The following ARHGAP24 variants were observed in gnomAD, a reference collection of about 807,000 sequenced individuals.
ARHGAP24 encodes the protein rho GTPase-activating protein 24.
ARHGAP24 carries 50 observed loss-of-function variants against 76.4 expected under a neutral mutation model. That is an observed-to-expected ratio of 0.65 (90% confidence interval 0.52 to 0.83). The LOEUF is 0.83. Ranked by LOEUF, ARHGAP24 falls within the 40% of genes least tolerant of loss-of-function variation. The pLI is 0.00. For missense variants in ARHGAP24, 930 were observed against 914.2 expected (o/e 1.02, Z -0.22); for synonymous variants, 345 against 323.3 (o/e 1.07, Z -0.72).
At position 85,829,459 on chromosome 4, in the gene ARHGAP24, A is replaced by G. The variant is rs903796773; in HGVS notation, c.269-94189A>G. Among the ~76,000 whole-genome samples, 10 of 152,176 alleles carry G rather than the reference A, an allele frequency of 6.6e-5. 1 individual carries two copies. Among genetic ancestry groups the G allele is most frequent in the Admixed American group, 6.5e-4 (10 of 15,276 alleles). ...GCCAAGTTCCTGGGACACTCTCTTC[A>G]TGGTTCCTTGCTTTCAGACTCTATG... On this transcript the variant is annotated intron_variant, in intron 3 of 9. Coordinates refer to ENST00000395184, the MANE Select transcript of ARHGAP24 (RefSeq NM_001025616.3).
At chr4:85,870,670 T>C (rs1732476266) in intron 3 of ARHGAP24, among the ~76,000 whole-genome samples, 1 of 152,174 alleles carries the variant, frequency 6.6e-6, no homozygotes, top group Admixed American at 6.6e-5. Context: ...TAGTTATCTA[T>C]AGGTCTTACC....
intron 1 of ARHGAP24, among the ~76,000 whole-genome samples, chr4:85,479,930 C>T (rs1465616620): frequency 1.3e-5 from 2 of 152,154 alleles, no homozygotes; most frequent in Admixed American, 1.3e-4. Context: ...ATTGAAAGCT[C>T]AAGTTCCTCC....
intron 3 of ARHGAP24, among the ~76,000 whole-genome samples, chr4:85,725,924 G>T (rs1240135641): frequency 6.6e-6 from 1 of 152,148 alleles, no homozygotes; most frequent in African/African-American, 2.4e-5. Flanking sequence ...AGCTTCAGAG[G>T]CCATCATGAG....
chr4:85,624,165 C>T (rs941295700), intron 2 of ARHGAP24, among the ~76,000 whole-genome samples: 18 of 152,056 alleles, frequency 1.2e-4, no homozygotes, highest in African/African-American at 4.1e-4. Flanking sequence ...GTCTTGTGCC[C>T]GTTTTCAAAG....
intron 3 of ARHGAP24, among the ~76,000 whole-genome samples, chr4:85,742,217 G>A (rs1281496335): frequency 6.6e-6 from 1 of 152,176 alleles, no homozygotes; most frequent in Admixed American, 6.5e-5. Flanking sequence ...GCTGGCAGCT[G>A]GCCAAAAGTC....
intron 1 of ARHGAP24, among the ~76,000 whole-genome samples, chr4:85,515,371 C>CT (rs34451820): frequency 0.8 from 113,889 of 142,576 alleles, 45,665 homozygotes; most frequent in East Asian, 0.97. Flanking sequence ...TGCAGGTAAT[C>CT]TTTTTTTTTT....
At chr4:85,918,687 G>T (rs906328627) in intron 3 of ARHGAP24, among the ~76,000 whole-genome samples, 2 of 151,844 alleles carry the variant, frequency 1.3e-5, no homozygotes, top group African/African-American at 4.8e-5. Flanking sequence ...ATCTATTTAA[G>T]AGAATCTATT....
intron 3 of ARHGAP24, among the ~76,000 whole-genome samples, chr4:85,730,553 G>A (rs2110051422): frequency 6.6e-6 from 1 of 152,084 alleles, no homozygotes; most frequent in South Asian, 2.1e-4. Flanking sequence ...GGAACCACAA[G>A]TTCACACCAC....
At chr4:85,676,247 C>T (rs1431502957) in intron 2 of ARHGAP24, among the ~76,000 whole-genome samples, 1 of 152,084 alleles carries the variant, frequency 6.6e-6, no homozygotes, top group African/African-American at 2.4e-5. Flanking sequence ...ACTGGGCTGC[C>T]AAACCTGCCA....
intron 3 of ARHGAP24, among the ~76,000 whole-genome samples, chr4:85,876,932 T>C (rs1225179151): frequency 3.0e-5 from 1 of 33,102 alleles, no homozygotes; most frequent in Admixed American, 4.9e-4. Context: ...CACTGGACTT[T>C]CCATTTTATT....
chr4:85,582,738 A>G (rs1047809759), intron 2 of ARHGAP24, among the ~76,000 whole-genome samples: 3 of 152,070 alleles, frequency 2.0e-5, no homozygotes, highest in Admixed American at 6.6e-5. Flanking sequence ...TTACCGGGGG[A>G]AAAAAACCTG....
chr4:85,494,821 G>A (rs925764858), intron 1 of ARHGAP24, among the ~76,000 whole-genome samples: 10 of 151,694 alleles, frequency 6.6e-5, no homozygotes, highest in Admixed American at 3.9e-4. Context: ...TGACCTGGCC[G>A]GGCGCGATGG....
chr4:85,548,815 T>C (rs924508662), intron 1 of ARHGAP24, among the ~76,000 whole-genome samples: 6 of 152,174 alleles, frequency 3.9e-5, no homozygotes, highest in East Asian at 1.9e-4. Flanking sequence ...CTTGTGCCCC[T>C]TTCCCGTCAG....
chr4:85,763,181 C>T (rs1187325054), intron 3 of ARHGAP24, among the ~76,000 whole-genome samples: 1 of 152,134 alleles, frequency 6.6e-6, no homozygotes, highest in East Asian at 1.9e-4. Flanking sequence ...TCTGAAAAAG[C>T]ATGAAATATA....
At chr4:85,519,774 T>TAAAA (rs1724665857) in intron 1 of ARHGAP24, among the ~76,000 whole-genome samples, 1 of 151,876 alleles carries the variant, frequency 6.6e-6, no homozygotes, top group South Asian at 2.1e-4. Context: ...AAATGGTCTT[T>TAAAA]TACTTCTCCC....
chr4:85,600,013 A>G (rs1719981830), intron 2 of ARHGAP24, among the ~76,000 whole-genome samples: 1 of 152,182 alleles, frequency 6.6e-6, no homozygotes, highest in Non-Finnish European at 1.5e-5. Context: ...CTAAAAATAA[A>G]TAGTATAGTT....
At chr4:85,943,165 T>C (rs1737047608) in intron 5 of ARHGAP24, among the ~76,000 whole-genome samples, 1 of 152,194 alleles carries the variant, frequency 6.6e-6, no homozygotes, top group Non-Finnish European at 1.5e-5. Context: ...CTTTCTATTT[T>C]TGGATTACTT....
chr4:85,743,392 C>CAAAA lies in ARHGAP24; in HGVS notation c.268+21458_268+21461dup, dbSNP rs774717006. On this transcript the variant is annotated intron_variant, in intron 3 of 9. Transcript: ENST00000395184. ...AAGACGCCAAGGCGGGATCCCATCT[C>CAAAA]AAAAAAAAAAAAAAAAAAAAAAAAA... Among the ~76,000 whole-genome samples the CAAAA allele has an allele frequency of 1.4e-4, 6 of 43,380 alleles. 1 individual carries two copies. The highest frequency in any genetic ancestry group is 1.3e-3 in the South Asian group (1 of 772). 28.5% of individuals were successfully genotyped at this position (43,380 alleles called of 152,430 possible). A position where few individuals can be genotyped will look rare whatever the true frequency, so the allele number is the denominator to read the frequency against.
rs112954675 is a variant in ARHGAP24, at chr4:85,755,499, C to T, written c.268+33527C>T. 9.5e-3 allele frequency among the ~76,000 whole-genome samples: 1,448 copies of T among 152,194 alleles called. 33 individuals carry two copies. The highest frequency in any genetic ancestry group is 0.033 in the African/African-American group (1,367 of 41,526). On this transcript the variant is annotated intron_variant, in intron 3 of 9. Coordinates refer to ENST00000395184, the MANE Select transcript of ARHGAP24 (RefSeq NM_001025616.3). ...TTCACAACCCCAAATTCTTCAGTGA[C>T]TGAAGAGCATGTTTTCTTCCTTAAT...
Sources: gnomAD v4.1 joint callset for allele counts (sites outside exome capture counted in the v4.1 genomes callset) on GRCh38, gnomAD v4.1.1 for gene constraint, MANE v1.5 for transcripts, NCBI Gene and HGNC (gene_info 2026-07-23, HGNC 2026-07-21) for gene names.